Variants in SCML4 observed in about 807,000 individuals in gnomAD.
SCML4 encodes Scm polycomb group protein like 4.
A neutral mutation model predicts 41.1 loss-of-function variants in SCML4; 34 were observed. That is an observed-to-expected ratio of 0.83 (90% CI 0.63 to 1.10). The LOEUF (loss-of-function observed/expected upper bound fraction) is 1.10, where lower values mean the gene tolerates loss of function less well. SCML4 is among the 50% of genes least tolerant of loss of function. The pLI is 0.00. For synonymous variants in SCML4, 214 were observed against 220.9 expected (o/e 0.97, Z 0.28); for missense variants, 522 against 534.1 (o/e 0.98, Z 0.22).
intron 1 of SCML4, among the ~76,000 whole-genome samples, chr6:107,789,201 T>A (rs1249826697): frequency 2.0e-5 from 3 of 152,358 alleles, no homozygotes; most frequent in Non-Finnish European, 4.4e-5. Flanking sequence ...AAGTGGACTA[T>A]TCTCTTTCTC....
At chr6:107,708,077 G>A in intron 6 of SCML4, 66 bp from the exon 7 acceptor site, 1 of 1,509,508 alleles carries the variant, frequency 6.6e-7, no homozygotes, top group Non-Finnish European at 8.9e-7. Context: ...ACCTGGTGCT[G>A]CCTGCCCCCA....
chr6:107,722,650 T>C (rs556195381), intron 5 of SCML4, among the ~76,000 whole-genome samples: 6 of 152,234 alleles, frequency 3.9e-5, no homozygotes, highest in Non-Finnish European at 8.8e-5. Context: ...GTCTTCTCCA[T>C]ACATGGATTC....
chr6:107,824,633 C>A (rs577483172), upstream of SCML4, among the ~76,000 whole-genome samples: 1 of 152,108 alleles, frequency 6.6e-6, no homozygotes, highest in African/African-American at 2.4e-5. Flanking sequence ...CTTGTAATAA[C>A]CTGAATTATG....
At chr6:107,798,865 T>C (rs1252936075) in intron 1 of SCML4, among the ~76,000 whole-genome samples, 1 of 152,118 alleles carries the variant, frequency 6.6e-6, no homozygotes, top group Non-Finnish European at 1.5e-5. Context: ...CAAGGGTTAT[T>C]TGGTAGTATG....
intron 5 of SCML4, among the ~76,000 whole-genome samples, chr6:107,742,104 C>T (rs1256797217): frequency 6.6e-6 from 1 of 151,812 alleles, no homozygotes; most frequent in Non-Finnish European, 1.5e-5. Flanking sequence ...TAAAAAAAAT[C>T]AAACAGAAAT....
intron 1 of SCML4, among the ~76,000 whole-genome samples, chr6:107,809,127 T>G (rs1034046357): frequency 6.6e-5 from 10 of 151,970 alleles, no homozygotes; most frequent in African/African-American, 2.4e-4. Flanking sequence ...TCTCTTGCCC[T>G]TCCATCCCTT....
chr6:107,723,158 A>G (rs926024518), intron 5 of SCML4, among the ~76,000 whole-genome samples: 6 of 152,250 alleles, frequency 3.9e-5, no homozygotes, highest in Non-Finnish European at 7.4e-5. Flanking sequence ...AAAAAGATTG[A>G]GAAATACAGA....
chr6:107,826,829 T>G (rs573619108), upstream of SCML4, among the ~76,000 whole-genome samples: 1 of 152,188 alleles, frequency 6.6e-6, no homozygotes, highest in Admixed American at 6.5e-5. Context: ...TTTGGGAGGC[T>G]GAGGTGGGCA....
intron 2 of SCML4, among the ~76,000 whole-genome samples, chr6:107,757,825 G>T (rs1171700678): frequency 6.6e-6 from 1 of 152,128 alleles, no homozygotes; most frequent in Admixed American, 6.5e-5. Flanking sequence ...TGAAGTGATG[G>T]CAGGAGGAGG....
At chr6:107,785,522 C>T (rs1293172323) in intron 1 of SCML4, among the ~76,000 whole-genome samples, 1 of 152,142 alleles carries the variant, frequency 6.6e-6, no homozygotes, top group Non-Finnish European at 1.5e-5. Flanking sequence ...GGTGAGTGGC[C>T]AATGGCCTTG....
intron 5 of SCML4, among the ~76,000 whole-genome samples, chr6:107,722,369 G>C (rs755194629): frequency 6.6e-5 from 10 of 151,728 alleles, no homozygotes; most frequent in Non-Finnish European, 1.5e-4. Context: ...TTTTTCTTTT[G>C]GGGGGTGGGG....
chr6:107,729,321 T>C (rs1313099070), intron 5 of SCML4, among the ~76,000 whole-genome samples: 1 of 152,180 alleles, frequency 6.6e-6, no homozygotes, highest in African/African-American at 2.4e-5. Flanking sequence ...CAACAATCTT[T>C]GGAGTTCCTT....
chr6:107,716,452 A>G (rs1434726405), intron 6 of SCML4, among the ~76,000 whole-genome samples: 1 of 152,192 alleles, frequency 6.6e-6, no homozygotes, highest in Non-Finnish European at 1.5e-5. Context: ...AATCCTAAAC[A>G]TATAACTTAT....
chr6:107,744,786 T>A (rs1464290908), intron 5 of SCML4, among the ~76,000 whole-genome samples, 163 bp downstream of exon 5: 1 of 152,182 alleles, frequency 6.6e-6, no homozygotes, highest in African/African-American at 2.4e-5. Flanking sequence ...ACCCCTTTGT[T>A]CCAGCCAGCT....
At chr6:107,782,153 C>G (rs1213327058) in intron 1 of SCML4, among the ~76,000 whole-genome samples, 1 of 152,232 alleles carries the variant, frequency 6.6e-6, no homozygotes, top group African/African-American at 2.4e-5. Flanking sequence ...CCATTCCAGC[C>G]TGCAGGATTC....
chr6:107,755,220 A>T (rs183317413), intron 2 of SCML4, among the ~76,000 whole-genome samples: 1 of 152,308 alleles, frequency 6.6e-6, no homozygotes, highest in Non-Finnish European at 1.5e-5. Flanking sequence ...AATTACAGGG[A>T]TTAGATTAAA....
rs143883313 is a variant in SCML4, at chr6:107,757,214, A to C, written c.157-7401T>G. On this transcript the variant is annotated intron_variant, in intron 2 of 7. Transcript: ENST00000369020. ...GGCTCCAGCTGTCATTTAGGGGAGG[A>C]CCTTGTCTAAGACATTTGCTAGAAC... Among the ~76,000 whole-genome samples the C allele has an allele frequency of 6.7e-3, 1,027 of 152,162 alleles. 9 individuals are homozygous for C. The highest frequency in any genetic ancestry group is 0.024 in the African/African-American group (980 of 41,494).
At chr6:107,778,222 AATATATATATATATATAT>A (rs1163805768) in intron 1 of SCML4, among the ~76,000 whole-genome samples, 638 of 15,368 alleles carry the variant, frequency 0.042, 18 homozygotes, top group African/African-American at 0.09. Context: ...AAAAAAAAAA[AATATATATATATATATAT>A]ATATATATAT....
At chr6:107,761,971 T>A (rs1779639555) in intron 2 of SCML4, among the ~76,000 whole-genome samples, 1 of 152,042 alleles carries the variant, frequency 6.6e-6, no homozygotes, top group Non-Finnish European at 1.5e-5. Flanking sequence ...AAATGAAGAA[T>A]TTTTTAGAGG....
Sources: allele counts gnomAD v4.1 joint callset (sites outside exome capture counted in the v4.1 genomes callset), GRCh38; gene constraint gnomAD v4.1.1; transcripts MANE v1.5; gene names NCBI Gene and HGNC (gene_info 2026-07-23, HGNC 2026-07-21).